The following IAPP variants were observed in gnomAD, a reference collection of about 807,000 sequenced individuals.
IAPP encodes the protein islet amyloid polypeptide, also known as Islet amyloid polypeptide (diabetes-associated peptide; amylin).
IAPP carries 4 observed loss-of-function variants against 2.9 expected under a neutral mutation model. That is an observed-to-expected ratio of 1.39 (90% confidence interval 0.69 to 3.19). The LOEUF (loss-of-function observed/expected upper bound fraction) is 3.19. IAPP is among the 30% of genes most tolerant of loss of function. IAPP has a pLI of 0.01. For missense variants in IAPP, 114 were observed against 105.3 expected, an observed-to-expected ratio of 1.08 and a Z score of -0.36; for synonymous variants, 40 against 42.1, an observed-to-expected ratio of 0.95 and a Z score of 0.19.
intron 2 of IAPP, among the ~76,000 whole-genome samples, chr12:21,375,805 T>C (rs1200634356): frequency 6.6e-6 from 1 of 152,214 alleles, no homozygotes; most frequent in African/African-American, 2.4e-5. Flanking sequence ...GTTTAAACTC[T>C]CTTAAAGTCA....
At chr12:21,362,777 CA>C (rs1240973177) in intron 1 of IAPP, among the ~76,000 whole-genome samples, 1 of 152,048 alleles carries the variant, frequency 6.6e-6, no homozygotes, top group Non-Finnish European at 1.5e-5. Flanking sequence ...GACTTTAAAC[CA>C]ATAAAGATCA....
intron 1 of IAPP, among the ~76,000 whole-genome samples, chr12:21,360,311 A>G (rs1430262401): frequency 6.6e-6 from 1 of 152,262 alleles, no homozygotes; most frequent in African/African-American, 2.4e-5. Context: ...AGTTTATTGA[A>G]TTTTGATAAT....
At chr12:21,355,393 A>C (rs190523302) in intron 1 of IAPP, among the ~76,000 whole-genome samples, 1 of 152,330 alleles carries the variant, frequency 6.6e-6, no homozygotes, top group East Asian at 1.9e-4. Context: ...AAGGAAAAGA[A>C]ATCTCGAAGT....
intron 1 of IAPP, among the ~76,000 whole-genome samples, chr12:21,362,735 G>T (rs1939020245): frequency 6.6e-6 from 1 of 152,064 alleles, no homozygotes; most frequent in Admixed American, 6.6e-5. Flanking sequence ...ACAAAAAAAG[G>T]CAGGGTTGCA....
intron 2 of IAPP, among the ~76,000 whole-genome samples, chr12:21,374,036 T>C (rs1940002040): frequency 6.6e-6 from 1 of 152,216 alleles, no homozygotes; most frequent in African/African-American, 2.4e-5. Flanking sequence ...AACAGATTTA[T>C]AAAAAGTTAT....
chr12:21,371,633 A>G (rs367683549), upstream of IAPP, among the ~76,000 whole-genome samples: 1 of 152,196 alleles, frequency 6.6e-6, no homozygotes, highest in South Asian at 2.1e-4. Flanking sequence ...ATTTTCACTG[A>G]CAATTGAAAT....
Position 21,373,145 on chromosome 12 carries a change from A to G in IAPP, c.-16+141A>G, listed in dbSNP as rs112110255. 11 of 593,070 alleles carry G rather than the reference A, an allele frequency of 1.9e-5. 1 individual carries two copies. Among genetic ancestry groups the G allele is most frequent in the African/African-American group, 1.3e-4 (7 of 53,754 alleles). The allele number at this position is 593,070 out of a possible 1,614,324, so 36.7% of individuals were successfully genotyped here. ...ATGTTCAGATTGCTTAGAGAAGGAA[A>G]TTGGGAAAGTAAAAATCTCGAAATT... is the stretch of plus-strand genomic sequence containing the variant. On this transcript the variant is annotated intron_variant, in intron 1 of 2. Coordinates refer to ENST00000240652, the MANE Select transcript of IAPP (RefSeq NM_000415.3).
At chr12:21,371,750 C>T (rs865902431), upstream of IAPP, among the ~76,000 whole-genome samples, 3 of 152,096 alleles carry the variant, frequency 2.0e-5, no homozygotes, top group South Asian at 4.2e-4. Flanking sequence ...CGCCTGTAAT[C>T]CCAGCACTTT....
At chr12:21,356,101 A>T (rs1177051343) in intron 1 of IAPP, among the ~76,000 whole-genome samples, 1 of 152,084 alleles carries the variant, frequency 6.6e-6, no homozygotes, top group Non-Finnish European at 1.5e-5. Context: ...AATCAGAATA[A>T]ATTTGAATCA....
At chr12:21,360,413 A>T (rs779049911) in intron 1 of IAPP, among the ~76,000 whole-genome samples, 40 of 152,338 alleles carry the variant, frequency 2.6e-4, no homozygotes, top group Non-Finnish European at 4.9e-4. Context: ...TCCAATAAGA[A>T]ATATAAACAT....
At chr12:21,368,437 T>C (rs1313696560), upstream of IAPP, among the ~76,000 whole-genome samples, 1 of 151,428 alleles carries the variant, frequency 6.6e-6, no homozygotes, top group Non-Finnish European at 1.5e-5. Flanking sequence ...AAATGCAATC[T>C]TGTTTAGATC....
chr12:21,357,756 T>C (rs991684523), intron 1 of IAPP, among the ~76,000 whole-genome samples: 3 of 152,216 alleles, frequency 2.0e-5, no homozygotes, highest in African/African-American at 4.8e-5. Flanking sequence ...ATCAAGCCTT[T>C]CTAAAGCTCC....
At chr12:21,377,287 C>A (rs1940268995) in intron 2 of IAPP, among the ~76,000 whole-genome samples, 1 of 152,154 alleles carries the variant, frequency 6.6e-6, no homozygotes, top group Non-Finnish European at 1.5e-5. Context: ...AACTCTCACA[C>A]TGCAATAGAG....
intron 1 of IAPP, among the ~76,000 whole-genome samples, chr12:21,363,847 G>A (rs973163561): frequency 6.6e-6 from 1 of 152,132 alleles, no homozygotes; most frequent in Non-Finnish European, 1.5e-5. Flanking sequence ...ACTAAACCAG[G>A]AAGAAGCTGA....
At chr12:21,374,819 G>GTGTCTC (rs1940072460) in intron 2 of IAPP, among the ~76,000 whole-genome samples, 1 of 148,266 alleles carries the variant, frequency 6.7e-6, no homozygotes, top group African/African-American at 2.5e-5. Context: ...TTGAGACAGG[G>GTGTCTC]TCTCTCTCTC....
chr12:21,377,015 A>G (rs1940247924), intron 2 of IAPP, among the ~76,000 whole-genome samples: 2 of 152,192 alleles, frequency 1.3e-5, no homozygotes, highest in Non-Finnish European at 2.9e-5. Flanking sequence ...AAGGCTGTCA[A>G]AAAAATAGAG....
At chr12:21,370,586 T>C (rs12826226), upstream of IAPP, among the ~76,000 whole-genome samples, 25,444 of 150,654 alleles carry the variant, frequency 0.17, 2,205 homozygotes, top group Non-Finnish European at 0.18. Context: ...AGTGTTTCGA[T>C]AGAAGATTTT....
chr12:21,365,714 C>A (rs907027315), intron 1 of IAPP, among the ~76,000 whole-genome samples: 1 of 152,014 alleles, frequency 6.6e-6, no homozygotes, highest in Non-Finnish European at 1.5e-5. Flanking sequence ...AAAAAACAAA[C>A]AACCCCATTA....
chr12:21,363,832 C>A (rs918643689), intron 1 of IAPP, among the ~76,000 whole-genome samples: 2 of 152,140 alleles, frequency 1.3e-5, no homozygotes, highest in African/African-American at 2.4e-5. Flanking sequence ...ATACACCCTC[C>A]TAAGACTAAA....
Sources: gnomAD v4.1 joint callset for allele counts (sites outside exome capture counted in the v4.1 genomes callset) on GRCh38, gnomAD v4.1.1 for gene constraint, MANE v1.5 for transcripts, NCBI Gene and HGNC (gene_info 2026-07-23, HGNC 2026-07-21) for gene names.